CLASP1: variants seen among roughly 807,000 people sequenced by gnomAD.
CLASP1 encodes the protein CLIP-associating protein 1.
In CLASP1, 38 loss-of-function variants were observed where a neutral mutation model predicts 192.3. The observed-to-expected ratio is 0.20, with a 90% confidence interval of 0.15 to 0.26. CLASP1 has a LOEUF of 0.26. Ranked by LOEUF, CLASP1 falls within the 10% of genes least tolerant of loss-of-function variation. CLASP1 has a pLI of 1.00. For synonymous variants in CLASP1, 691 were observed against 712.8 expected (o/e 0.97, Z 0.49); for missense variants, 1,433 against 1,932.5 (o/e 0.74, Z 4.85).
chr2:121,340,625 C>G (rs2062680995), exon 40 of CLASP1: 1 of 485,658 alleles, frequency 2.1e-6, no homozygotes, highest in South Asian at 3.4e-5. Context: ...CAGTATGGCT[C>G]TTTTCTGTTC....
At chr2:121,585,125 C>G (rs2061576315) in intron 2 of CLASP1, among the ~76,000 whole-genome samples, 1 of 152,216 alleles carries the variant, frequency 6.6e-6, no homozygotes, top group Non-Finnish European at 1.5e-5. Flanking sequence ...CAGTACCACA[C>G]AGCTAGTGAC....
chr2:121,381,850 G>A (rs778140952), intron 33 of CLASP1, among the ~76,000 whole-genome samples: 10 of 152,244 alleles, frequency 6.6e-5, no homozygotes, highest in South Asian at 4.1e-4. Context: ...CACTTTAGAC[G>A]CATGCTAAGG....
chr2:121,500,413 G>GAA (rs1306285861), intron 8 of CLASP1, among the ~76,000 whole-genome samples: 1 of 132,664 alleles, frequency 7.5e-6, no homozygotes, highest in East Asian at 2.2e-4. Context: ...AAGAAAGAAA[G>GAA]AAAAAAAAGA....
Position 121,396,055 on chromosome 2 carries a change from C to T in CLASP1, c.3123+1085G>A, listed in dbSNP as rs7585183. 2.3e-3 allele frequency among the ~76,000 whole-genome samples: 343 copies of T among 152,300 alleles called. 1 individual carries two copies. Among genetic ancestry groups the T allele is most frequent in the African/African-American group, 6.6e-3 (276 of 41,552 alleles). On this transcript the variant is annotated intron_variant, in intron 30 of 39. Transcript: ENST00000263710. ...AATCGAAAAAACAACAGAGTGTCTA[C>T]GCTCTGCCCTATATCAATTAAATCA...
Position 121,416,005 on chromosome 2 carries a change from C to T in CLASP1, c.2320+2617G>A, listed in dbSNP as rs1052036659. ...AAGAATATTATAAAATTATCACTTT[C>T]CCTAAATAAGGAAGTTGGTAAAATA... is the stretch of plus-strand genomic sequence containing the variant. On this transcript the variant is annotated intron_variant, in intron 23 of 39. Transcript: ENST00000263710. 1.8e-4 allele frequency among the ~76,000 whole-genome samples: 28 copies of T among 152,162 alleles called. 1 individual carries two copies.
chr2:121,544,699 C>G (rs2095296371), intron 2 of CLASP1, among the ~76,000 whole-genome samples: 1 of 151,924 alleles, frequency 6.6e-6, no homozygotes, highest in Non-Finnish European at 1.5e-5. Context: ...CACACACGTA[C>G]CACATGACTG....
intron 30 of CLASP1, 73 bp downstream of exon 31, chr2:121,397,065 CAA>C: frequency 1.3e-6 from 2 of 1,517,566 alleles, no homozygotes; most frequent in Middle Eastern, 1.7e-4. Flanking sequence ...GCACGGTTTT[CAA>C]GTTTCTAAAT....
At chr2:121,468,196 T>C (rs1391474456) in intron 9 of CLASP1, among the ~76,000 whole-genome samples, 1 of 152,118 alleles carries the variant, frequency 6.6e-6, no homozygotes, top group Non-Finnish European at 1.5e-5. Context: ...AGGGGTAGCC[T>C]TATAGTATAA....
At chr2:121,405,583 C>T (rs1346161278) in intron 25 of CLASP1, among the ~76,000 whole-genome samples, 3 of 152,186 alleles carry the variant, frequency 2.0e-5, no homozygotes, top group Admixed American at 6.5e-5. Flanking sequence ...TGCCCTCTTA[C>T]GTGGATGAGA....
intron 1 of CLASP1, among the ~76,000 whole-genome samples, chr2:121,619,869 G>C (rs1384987216): frequency 6.6e-6 from 1 of 152,138 alleles, no homozygotes; most frequent in Non-Finnish European, 1.5e-5. Context: ...GAGAACTGCT[G>C]AAGCTTGGTG....
chr2:121,471,933 C>A (rs2090807182), intron 8 of CLASP1, among the ~76,000 whole-genome samples: 1 of 152,122 alleles, frequency 6.6e-6, no homozygotes, highest in Non-Finnish European at 1.5e-5. Context: ...ATAAGAACAA[C>A]CCAAAGGAAA....
At chr2:121,422,272 T>G (rs2079634775) in intron 22 of CLASP1, among the ~76,000 whole-genome samples, 1 of 152,234 alleles carries the variant, frequency 6.6e-6, no homozygotes, top group South Asian at 2.1e-4. Flanking sequence ...GTCTCTCTGG[T>G]CTAGACATTT....
chr2:121,531,198 C>T (rs2094850921), intron 2 of CLASP1, among the ~76,000 whole-genome samples: 1 of 152,094 alleles, frequency 6.6e-6, no homozygotes. Flanking sequence ...AACTTTACGC[C>T]GATCATCAAC....
At chr2:121,536,238 G>A (rs1011664147) in intron 2 of CLASP1, among the ~76,000 whole-genome samples, 3 of 151,520 alleles carry the variant, frequency 2.0e-5, no homozygotes, top group South Asian at 2.1e-4. Flanking sequence ...AAAATTAGCC[G>A]GGCGTTGTGA....
chr2:121,596,087 C>T (rs2063109219), intron 2 of CLASP1, among the ~76,000 whole-genome samples: 1 of 152,320 alleles, frequency 6.6e-6, no homozygotes, highest in East Asian at 1.9e-4. Context: ...CACTTTGTTG[C>T]CCTTGCATAT....
At chr2:121,402,320 T>C (rs1005846399) in intron 26 of CLASP1, among the ~76,000 whole-genome samples, 2 of 152,238 alleles carry the variant, frequency 1.3e-5, no homozygotes, top group Non-Finnish European at 2.9e-5. Flanking sequence ...TGTTGTGTAA[T>C]GATTTTTGCT....
chr2:121,629,024 A>C (rs2068941153), intron 1 of CLASP1, among the ~76,000 whole-genome samples: 1 of 152,072 alleles, frequency 6.6e-6, no homozygotes, highest in Non-Finnish European at 1.5e-5. Flanking sequence ...AATGTTAACG[A>C]ACAGGGAAGT....
At chr2:121,550,927 C>G (rs2057982649) in intron 2 of CLASP1, among the ~76,000 whole-genome samples, 1 of 152,082 alleles carries the variant, frequency 6.6e-6, no homozygotes. Context: ...AAAAAGAAAC[C>G]TCAAGCCAAT....
chr2:121,619,958 A>C (rs1183638540), intron 1 of CLASP1, among the ~76,000 whole-genome samples: 2 of 152,128 alleles, frequency 1.3e-5, no homozygotes, highest in African/African-American at 4.8e-5. Context: ...TTGGTGGCTT[A>C]GATCTGTAAT....
Sources: gnomAD v4.1 joint callset for allele counts (sites outside exome capture counted in the v4.1 genomes callset) on GRCh38, gnomAD v4.1.1 for gene constraint, MANE v1.5 for transcripts, NCBI Gene and HGNC (gene_info 2026-07-23, HGNC 2026-07-21) for gene names.